Variants in MYLK observed in about 807,000 individuals in gnomAD.
MYLK encodes the protein myosin light chain kinase, smooth muscle.
A neutral mutation model predicts 203.4 loss-of-function variants in MYLK; 106 were observed. The ratio of observed to expected loss-of-function variants is 0.52; its 90% confidence interval spans 0.45 to 0.61. The LOEUF is 0.61. Ranked by LOEUF, MYLK falls within the 20% of genes least tolerant of loss-of-function variation. MYLK has a pLI of 0.00. For synonymous variants in MYLK, 867 were observed against 959.5 expected, an observed-to-expected ratio of 0.90 and a Z score of 1.78; for missense variants, 2,072 against 2,442.3, an observed-to-expected ratio of 0.85 and a Z score of 3.20.
Position 123,738,949 on chromosome 3 carries a change from C to T in MYLK, c.536G>A (p.Arg179Gln), listed in dbSNP as rs1052930526. 12 of 1,613,028 alleles carry T rather than the reference C, an allele frequency of 7.4e-6. No homozygotes were observed. Among genetic ancestry groups the T allele is most frequent in the Non-Finnish European group, 9.3e-6 (11 of 1,179,650 alleles). The stretch of plus-strand genomic sequence containing the variant: ...CCGGCCAGTGATCTTGCAGGAGAAT[C>T]GTCCCATCTGTCCTTCTTTGACCAC... The part of the protein sequence containing the change: ...RVVVKEGQMG[R>Q]FSCKITGRPQ... Residue 179 changes from arginine (R) to glutamine (Q), a missense_variant, in exon 7 of 34, where the codon CGA (arginine) becomes CAA (glutamine). By Grantham distance (43) the Arg-to-Gln change is conservative (BLOSUM62 1). Transcript: ENST00000360304.
intron 20 of MYLK, chr3:123,681,002 C>T (rs1340208265): frequency 3.8e-5 from 5 of 130,258 alleles, no homozygotes; most frequent in South Asian, 5.4e-4. Flanking sequence ...TTTATAGCCC[C>T]CTCCTCCACC....
At chr3:123,669,100 C>G (rs778059658) in intron 20 of MYLK, among the ~76,000 whole-genome samples, 2 of 152,232 alleles carry the variant, frequency 1.3e-5, no homozygotes, top group South Asian at 2.1e-4. Context: ...CGACAGGACA[C>G]GTGCTGCTGC....
chr3:123,649,458 C>T (rs1449073971), intron 24 of MYLK, among the ~76,000 whole-genome samples: 1 of 152,226 alleles, frequency 6.6e-6, no homozygotes, highest in Non-Finnish European at 1.5e-5. Context: ...TCTCTAGCCT[C>T]ATGGTCCCCA....
chr3:123,752,238 C>T (rs2063217052), intron 5 of MYLK, 93 bp downstream of exon 5: 4 of 1,329,716 alleles, frequency 3.0e-6, no homozygotes, highest in Non-Finnish European at 4.3e-6. Flanking sequence ...GTCAGTTCCT[C>T]CATCCTTCAA....
rs547331411 is a variant in MYLK, at chr3:123,620,295, A to T, written c.5280T>A (p.Ser1760=). The T allele has an allele frequency of 6.2e-7, 1 of 1,614,146 alleles. No homozygotes were observed. The highest frequency in any genetic ancestry group is 8.5e-7 in the Non-Finnish European group (1 of 1,180,014). The change falls in exon 32 of 34, where the codon TCT becomes TCA. Residue 1760 remains serine, a synonymous_variant. Transcript: ENST00000360304. ...CACTGAGCCCTGAGATCATTGCCAT[A>T]GAGGACAGTCTTCCAATGGCTCTCA... The part of the protein sequence containing the change: ...NAVRAIGRLS[S]MAMISGLSGR...
chr3:123,798,183 A>G lies in MYLK; in HGVS notation c.-3-4339T>C, dbSNP rs563178618. 3.4e-4 allele frequency among the ~76,000 whole-genome samples: 52 copies of G among 152,356 alleles called. No homozygotes were observed. In the South Asian group the frequency reaches 0.01, roughly 30 times the overall value. ...CACCCCTTCACAAATGAAGACATAG[A>G]GGCTTAGAAAGCCAACTACTCTTGT... On this transcript the variant is annotated intron_variant, in intron 3 of 33. Transcript: ENST00000360304.
chr3:123,758,564 C>G (rs1172286732), intron 4 of MYLK, among the ~76,000 whole-genome samples: 1 of 152,106 alleles, frequency 6.6e-6, no homozygotes, highest in Non-Finnish European at 1.5e-5. Flanking sequence ...TTTCCTATGA[C>G]CCGAGACATA....
chr3:123,744,565 C>T (rs1232367314), intron 5 of MYLK, among the ~76,000 whole-genome samples: 1 of 152,108 alleles, frequency 6.6e-6, no homozygotes, highest in Non-Finnish European at 1.5e-5. Context: ...GGTGTTAAAA[C>T]AATTCTCCGT....
At chr3:123,771,545 CTT>C (rs1420208478) in intron 4 of MYLK, among the ~76,000 whole-genome samples, 2 of 152,034 alleles carry the variant, frequency 1.3e-5, no homozygotes, top group African/African-American at 4.8e-5. Context: ...TTGTTCTAGT[CTT>C]TGATTTTGCG....
intron 4 of MYLK, among the ~76,000 whole-genome samples, chr3:123,776,605 T>C (rs1029131994): frequency 1.3e-5 from 2 of 152,216 alleles, no homozygotes; most frequent in Admixed American, 6.5e-5. Context: ...ATTAAAATTA[T>C]GGTGACAGAG....
At chr3:123,714,921 C>T (rs1252306157) in intron 13 of MYLK, among the ~76,000 whole-genome samples, 1 of 151,846 alleles carries the variant, frequency 6.6e-6, no homozygotes, top group Non-Finnish European at 1.5e-5. Context: ...CAAGTAAAAA[C>T]GATGCCATGT....
At chr3:123,763,629 A>G (rs1378684368) in intron 4 of MYLK, among the ~76,000 whole-genome samples, 4 of 152,102 alleles carry the variant, frequency 2.6e-5, no homozygotes, top group Non-Finnish European at 5.9e-5. Context: ...TCTGGCATCC[A>G]GTGTTGCTGT....
At chr3:123,626,689 G>A in intron 31 of MYLK, 129 bp downstream of exon 31, 1 of 1,364,340 alleles carries the variant, frequency 7.3e-7, no homozygotes, top group Non-Finnish European at 1.0e-6. Flanking sequence ...GCCTAAATTG[G>A]TCCCAGACTA....
At chr3:123,869,516 G>A (rs907430051) in intron 2 of MYLK, among the ~76,000 whole-genome samples, 4 of 152,054 alleles carry the variant, frequency 2.6e-5, no homozygotes, top group Non-Finnish European at 5.9e-5. Flanking sequence ...TCAGAGGCTT[G>A]GCCCTTGAAT....
At chr3:123,714,855 C>T (rs375032416) in intron 13 of MYLK, among the ~76,000 whole-genome samples, 13 of 152,260 alleles carry the variant, frequency 8.5e-5, no homozygotes, top group South Asian at 2.1e-4. Context: ...ATCGGGCTGT[C>T]GTCCAATGGG....
intron 4 of MYLK, among the ~76,000 whole-genome samples, chr3:123,785,402 C>T (rs1301859141): frequency 6.6e-6 from 1 of 152,198 alleles, no homozygotes; most frequent in African/African-American, 2.4e-5. Flanking sequence ...ACTTTGGAAA[C>T]TCTGTGACAC....
chr3:123,849,544 C>T (rs2030480001), intron 2 of MYLK, among the ~76,000 whole-genome samples: 1 of 152,066 alleles, frequency 6.6e-6, no homozygotes, highest in Non-Finnish European at 1.5e-5. Context: ...AAAATTATAA[C>T]ATGTGGTACT....
chr3:123,820,683 CTT>C (rs2065904699), intron 3 of MYLK, among the ~76,000 whole-genome samples: 1 of 149,278 alleles, frequency 6.7e-6, no homozygotes, highest in African/African-American at 2.5e-5. Flanking sequence ...TCCTTCCTTC[CTT>C]CCCTCCTTCC....
chr3:123,741,065 TG>T (rs1251281043), intron 5 of MYLK, among the ~76,000 whole-genome samples: 1 of 152,212 alleles, frequency 6.6e-6, no homozygotes, highest in African/African-American at 2.4e-5. Context: ...TGCCGCAAGC[TG>T]GGGATGTTTA....
Sources: gnomAD v4.1 joint callset for allele counts (sites outside exome capture counted in the v4.1 genomes callset) on GRCh38, gnomAD v4.1.1 for gene constraint, MANE v1.5 for transcripts, NCBI Gene and HGNC (gene_info 2026-07-23, HGNC 2026-07-21) for gene names.